GRHL2: variants seen among roughly 807,000 people sequenced by gnomAD.
The protein encoded by GRHL2 is grainyhead-like protein 2 homolog.
A neutral mutation model predicts 83.8 loss-of-function variants in GRHL2; 21 were observed. That is an observed-to-expected ratio of 0.25 (90% CI 0.18 to 0.36). GRHL2 has a LOEUF of 0.36. Ranked by LOEUF, GRHL2 falls within the 10% of genes least tolerant of loss-of-function variation. The probability of loss-of-function intolerance (pLI) is 1.00; values close to 1 mark genes in which losing one functional copy is unlikely to be tolerated. For missense variants in GRHL2, 623 were observed against 781.8 expected, an observed-to-expected ratio of 0.80 and a Z score of 2.42; for synonymous variants, 280 against 278.9, an observed-to-expected ratio of 1.00 and a Z score of -0.04.
chr8:101,625,511 C>T (rs1813063649), intron 9 of GRHL2, among the ~76,000 whole-genome samples: 1 of 151,874 alleles, frequency 6.6e-6, no homozygotes, highest in South Asian at 2.1e-4. Flanking sequence ...CATTTTCATT[C>T]AGTTATTTTA....
intron 11 of GRHL2, 103 bp downstream of exon 11, chr8:101,632,468 C>T: frequency 1.5e-6 from 2 of 1,326,014 alleles, no homozygotes; most frequent in African/African-American, 1.4e-5. Context: ...AATAACTTAC[C>T]TTCCATTCAC....
intron 14 of GRHL2, among the ~76,000 whole-genome samples, chr8:101,664,159 C>A (rs868015929): frequency 6.6e-6 from 1 of 152,108 alleles, no homozygotes; most frequent in Admixed American, 6.5e-5. Context: ...AAATTTTTTT[C>A]TAGATGGCTA....
At chr8:101,514,094 T>C (rs1810520639) in intron 1 of GRHL2, among the ~76,000 whole-genome samples, 2 of 152,312 alleles carry the variant, frequency 1.3e-5, no homozygotes, top group South Asian at 4.1e-4. Context: ...CATCAGATTT[T>C]ACCTCTCCTG....
At chr8:101,536,922 C>T (rs186318826) in intron 1 of GRHL2, among the ~76,000 whole-genome samples, 189 of 152,134 alleles carry the variant, frequency 1.2e-3, no homozygotes, top group Admixed American at 5.1e-3. Flanking sequence ...TCTTCCTCCC[C>T]TCCCCTCACC....
chr8:101,543,515 T>G (rs1274787404), intron 2 of GRHL2, 79 bp downstream of exon 2: 1 of 1,359,924 alleles, frequency 7.4e-7, no homozygotes, highest in Non-Finnish European at 1.0e-6. Context: ...AACAGATTGT[T>G]TGTCCCAGGC....
downstream of GRHL2, among the ~76,000 whole-genome samples, chr8:101,671,800 C>T (rs1460021700): frequency 6.6e-6 from 1 of 152,234 alleles, no homozygotes; most frequent in Non-Finnish European, 1.5e-5. Context: ...TAGGGGCAGA[C>T]TGACATCTCA....
rs367661003 is a variant in GRHL2 at position 101,573,625 on chromosome 8, G to A, written c.735-43G>A. On this transcript the variant is annotated intron_variant, in intron 5 of 15. Transcript: ENST00000646743. ...TGAAATTGGTCAAAAGAGCAGAAAT[G>A]TCCAAGTGAGTGGATCTGACCGCTG... 396 of 1,612,752 alleles carry A rather than the reference G, an allele frequency of 2.5e-4. 2 individuals carry two copies. The highest frequency in any genetic ancestry group is 3.3e-4 in the Non-Finnish European group (385 of 1,179,260).
intron 8 of GRHL2, among the ~76,000 whole-genome samples, chr8:101,610,844 G>A (rs1404486254): frequency 1.3e-5 from 2 of 150,906 alleles, no homozygotes; most frequent in Non-Finnish European, 2.9e-5. Context: ...CAAGAGACAA[G>A]GGTTGGTGGA....
intron 12 of GRHL2, 57 bp downstream of exon 12, chr8:101,636,985 T>A: frequency 7.4e-6 from 11 of 1,486,900 alleles, no homozygotes; most frequent in Non-Finnish European, 9.4e-6. Context: ...TCAGTGGTAA[T>A]GGCTCTTCCA....
intron 9 of GRHL2, among the ~76,000 whole-genome samples, chr8:101,623,877 TAGGACAGTTCACAGTA>T (rs1813016951): frequency 6.6e-6 from 1 of 150,782 alleles, no homozygotes; most frequent in African/African-American, 2.5e-5. Context: ...CAGTACACAG[TAGGACAGTTCACAGTA>T]CACAGTACAC....
chr8:101,637,412 A>C (rs1309036315), intron 12 of GRHL2, among the ~76,000 whole-genome samples: 3 of 152,346 alleles, frequency 2.0e-5, no homozygotes, highest in African/African-American at 7.2e-5. Flanking sequence ...GCCAGTAGTG[A>C]GGCTGGTTTG....
chr8:101,535,798 C>T (rs1811035117), intron 1 of GRHL2, among the ~76,000 whole-genome samples: 1 of 152,176 alleles, frequency 6.6e-6, no homozygotes, highest in Non-Finnish European at 1.5e-5. Flanking sequence ...CCTTGGCCTC[C>T]CAAAGTGCTG....
chr8:101,611,647 C>T (rs1277465443), intron 8 of GRHL2, among the ~76,000 whole-genome samples: 1 of 150,842 alleles, frequency 6.6e-6, no homozygotes, highest in Non-Finnish European at 1.5e-5. Flanking sequence ...ATGGCCTTTT[C>T]TCAGTCCTCA....
At chr8:101,636,242 A>C (rs1432408481) in intron 11 of GRHL2, among the ~76,000 whole-genome samples, 1 of 152,222 alleles carries the variant, frequency 6.6e-6, no homozygotes, top group African/African-American at 2.4e-5. Flanking sequence ...GCCTTCTGCC[A>C]TGCCAACTAC....
chr8:101,644,085 G>C, intron 12 of GRHL2, 46 bp from the exon 13 acceptor site: 1 of 1,531,464 alleles, frequency 6.5e-7, no homozygotes, highest in South Asian at 1.1e-5. Flanking sequence ...CGTGTGTTTT[G>C]ACACCTTGCT....
intron 7 of GRHL2, among the ~76,000 whole-genome samples, chr8:101,595,563 C>G (rs1812375045): frequency 6.6e-6 from 1 of 152,194 alleles, no homozygotes; most frequent in Non-Finnish European, 1.5e-5. Flanking sequence ...GATCTAAATT[C>G]AACAGTCTTC....
intron 14 of GRHL2, among the ~76,000 whole-genome samples, chr8:101,658,811 C>G (rs928286503): frequency 6.6e-6 from 1 of 151,902 alleles, no homozygotes; most frequent in African/African-American, 2.4e-5. Context: ...TAACCCTAAC[C>G]AAAGTTCAAA....
intron 1 of GRHL2, among the ~76,000 whole-genome samples, chr8:101,521,181 C>T (rs1382192339): frequency 6.6e-6 from 1 of 152,126 alleles, no homozygotes; most frequent in Non-Finnish European, 1.5e-5. Flanking sequence ...GCAGAAGCTT[C>T]CAGGGCTGCT....
chr8:101,548,681 AC>A (rs1215936893), intron 2 of GRHL2, among the ~76,000 whole-genome samples: 8 of 152,186 alleles, frequency 5.3e-5, no homozygotes, highest in Admixed American at 4.6e-4. Flanking sequence ...AAGGGAAGAG[AC>A]CAAGTTCAGA....
Sources: gnomAD v4.1 joint callset for allele counts (sites outside exome capture counted in the v4.1 genomes callset) on GRCh38, gnomAD v4.1.1 for gene constraint, MANE v1.5 for transcripts, NCBI Gene and HGNC (gene_info 2026-07-23, HGNC 2026-07-21) for gene names.